Variants in TSPAN6 observed in about 807,000 individuals in gnomAD.
The protein encoded by TSPAN6 is tetraspanin-6.
Under a neutral mutation model 18.0 loss-of-function variants are expected in TSPAN6, and 13 were observed. That is an observed-to-expected ratio of 0.72 (90% CI 0.47 to 1.15). The LOEUF (loss-of-function observed/expected upper bound fraction) is 1.15, where lower values mean the gene tolerates loss of function less well. Among genes scored for constraint, TSPAN6 ranks in the 50% most tolerant of loss-of-function variants. The pLI is 0.00. For synonymous variants in TSPAN6, 82 were observed against 67.0 expected (o/e 1.22, Z -1.09); for missense variants, 186 against 183.9 (o/e 1.01, Z -0.07).
rs1481073881 is a variant in TSPAN6 at position 100,632,398 on chromosome X, T to A, written c.669+87A>T. 2.9e-5 allele frequency: 20 copies of A among 692,774 alleles called. No homozygotes were observed. In the South Asian group the frequency reaches 3.7e-4, roughly 13 times the overall value. The allele number at this position is 692,774 out of a possible 1,213,427, so 57.1% of individuals were successfully genotyped here. ...TTCCAGCCTGGCAACCGAGCAAGAC[T>A]CCATCTCAAAAAAAAAAAAGTGAAA... On this transcript the variant is annotated intron_variant, in intron 6 of 7. Coordinates refer to ENST00000373020, the MANE Select transcript of TSPAN6 (RefSeq NM_003270.4).
At chrX:100,635,415 G>A in intron 2 of TSPAN6, 143 bp downstream of exon 2, 1 of 665,176 alleles carries the variant, frequency 1.5e-6, no homozygotes, top group Non-Finnish European at 2.2e-6. Context: ...AGTGGAAACT[G>A]GCAGCTGAAC....
chrX:100,636,000 A>G (rs148390446), intron 1 of TSPAN6, among the ~76,000 whole-genome samples: 1 of 111,819 alleles, frequency 8.9e-6, no homozygotes, highest in Non-Finnish European at 1.9e-5. Context: ...CCTAGGGATC[A>G]AAACTTCCTT....
intron 1 of TSPAN6, 140 bp downstream of exon 1, chrX:100,636,468 C>T (rs2083096316): frequency 9.9e-7 from 1 of 1,014,717 alleles, no homozygotes; most frequent in Non-Finnish European, 1.3e-6. Flanking sequence ...AGTCACTGGT[C>T]GCCGGCGTCG....
intron 6 of TSPAN6, among the ~76,000 whole-genome samples, chrX:100,631,760 G>A (rs767894659): frequency 8.9e-6 from 1 of 112,235 alleles, no homozygotes; most frequent in Admixed American, 9.5e-5. Context: ...TGTTTCATGA[G>A]CTATGATACT....
intron 1 of TSPAN6, 66 bp from the exon 2 acceptor site, chrX:100,635,812 C>A: frequency 1.1e-6 from 1 of 888,744 alleles, no homozygotes; most frequent in Non-Finnish European, 1.5e-6. Flanking sequence ...CAAATCACAA[C>A]GCATGAGGTA....
upstream of TSPAN6, chrX:100,636,845 A>G (rs1602710562): frequency 3.5e-6 from 2 of 574,027 alleles, no homozygotes; most frequent in East Asian, 8.6e-5. Context: ...TGTAGAGGGT[A>G]AAGTATGGGA....
chrX:100,631,097 TCA>T, intron 6 of TSPAN6, among the ~76,000 whole-genome samples: 1 of 111,860 alleles, frequency 8.9e-6, no homozygotes, highest in Non-Finnish European at 1.9e-5. Flanking sequence ...TCCAGCAAAC[TCA>T]CTCAAGGAAA....
rs1167071111 is a variant in TSPAN6 at position 100,629,583 on chromosome X, G to C, written c.*443C>G. On this transcript the variant is annotated 3_prime_UTR_variant, in exon 8 of 8. Transcript: ENST00000373020. Reference sequence around the variant, plus strand: ...TCTATCACACTACATCAATAGCAAAGTCAGAGGAATCAATTTTCCATCTTG... The same window carrying C: ...TCTATCACACTACATCAATAGCAAACTCAGAGGAATCAATTTTCCATCTTG... 1 of 112,319 alleles carries C rather than the reference G, an allele frequency of 8.9e-6. No individual in the cohort carries two copies. Among genetic ancestry groups the C allele is most frequent in the African/African-American group, 3.2e-5 (1 of 30,873 alleles). The allele number at this position is 112,319 out of a possible 1,213,427, so 9.3% of individuals were successfully genotyped here.
At position 100,629,400 on chromosome X, in the gene TSPAN6, A is replaced by T. The variant is rs1248358473; in HGVS notation, c.*626T>A. 1 of 111,804 alleles carries T rather than the reference A, an allele frequency of 8.9e-6. No individual in the cohort carries two copies. Among genetic ancestry groups the T allele is most frequent in the Non-Finnish European group, 1.9e-5 (1 of 53,156 alleles). The allele number at this position is 111,804 out of a possible 1,213,427, so 9.2% of individuals were successfully genotyped here. The stretch of plus-strand genomic sequence containing the variant: ...CACCATCTGGCAACCCTGATGAGGG[A>T]TGCCATCTATTGACTGACTGAAATT... On this transcript the variant is annotated 3_prime_UTR_variant, in exon 8 of 8. Transcript: ENST00000373020.
intron 4 of TSPAN6, 151 bp downstream of exon 4, chrX:100,633,780 G>C (rs1289852524): frequency 6.1e-6 from 3 of 493,982 alleles, no homozygotes; most frequent in Non-Finnish European, 9.9e-6. Flanking sequence ...GATGTAAGTG[G>C]GGAAGGAAGA....
chrX:100,630,805 AT>A lies in TSPAN6; in HGVS notation c.730del (p.Ile244Ter), dbSNP rs752898185. 11 of 1,209,287 alleles carry A rather than the reference AT, an allele frequency of 9.1e-6. No homozygotes were observed. The highest frequency in any genetic ancestry group is 1.2e-5 in the Non-Finnish European group (11 of 894,577). The stretch of plus-strand genomic sequence containing the variant: ...GCCCACAGATACATTGGGTTACACT[AT>A]CTCATACTGGTTATTTGTTATGGCA... ...SRAITNNQYEIV is the reference protein window; with the variant it reads ...SRAITNNQYEXV On this transcript the variant is annotated frameshift_variant, in exon 7 of 8. Transcript: ENST00000373020. LOFTEE classifies it high-confidence loss of function.
chrX:100,636,807 G>T (rs1050468617), upstream of TSPAN6: 1 of 823,823 alleles, frequency 1.2e-6, no homozygotes, highest in South Asian at 3.5e-5. Context: ...GTCCACAACT[G>T]AGAAGGGCCG....
Position 100,628,295 on chromosome X carries a change from C to T in TSPAN6, c.*1731G>A, listed in dbSNP as rs909646224. The stretch of plus-strand genomic sequence containing the variant: ...ATTTTTCAACTTAATTTTCTTATCA[C>T]CTTATCCTATGTCAAAAGTCACACA... On this transcript the variant is annotated 3_prime_UTR_variant, in exon 8 of 8. Coordinates refer to ENST00000373020, the MANE Select transcript of TSPAN6 (RefSeq NM_003270.4). 3.6e-5 allele frequency: 4 copies of T among 111,868 alleles called. No individual in the cohort carries two copies. Among genetic ancestry groups the T allele is most frequent in the Non-Finnish European group, 7.5e-5 (4 of 53,211 alleles). The allele number at this position is 111,868 out of a possible 1,213,427, so 9.2% of individuals were successfully genotyped here.
Position 100,635,736 on chromosome X carries a change from A to T in TSPAN6, c.98T>A (p.Val33Asp). The T allele has an allele frequency of 1.7e-6, 2 of 1,170,947 alleles. No homozygotes were observed. The highest frequency in any genetic ancestry group is 2.3e-6 in the Non-Finnish European group (2 of 872,088). ...CCAAATGCCAACTGCAAGAAGGATA[A>T]CGCCAGTGATCTATGTGGGAATTCA... Reference protein sequence around the residue: ...IYTFIFWITGVILLAVGIWGK... With the variant: ...IYTFIFWITGDILLAVGIWGK... Residue 33 changes from valine to aspartate, a missense_variant, in exon 2 of 8, where the codon GTT becomes GAT. Transcript: ENST00000373020.
rs1479810826 is a variant in TSPAN6, at chrX:100,635,620, T to A, written c.214A>T (p.Ile72Phe). ...AAACAACCAAAGGTGCCCAAAAGAA[T>A]AATGACGGTACCAGTAGCAATGAGC... ...FVLIATGTVI[I>F]LLGTFGCFAT... Residue 72 changes from isoleucine to phenylalanine, a missense_variant, in exon 2 of 8, where the codon ATT becomes TTT. Transcript: ENST00000373020. The A allele has an allele frequency of 8.3e-7, 1 of 1,202,207 alleles. No individual in the cohort carries two copies. Among genetic ancestry groups the A allele is most frequent in the Non-Finnish European group, 1.1e-6 (1 of 890,191 alleles).
chrX:100,635,528 G>A, intron 2 of TSPAN6, 30 bp downstream of exon 2: 1 of 1,135,536 alleles, frequency 8.8e-7, no homozygotes, highest in Non-Finnish European at 1.2e-6. Flanking sequence ...CTAAAACCAA[G>A]AATCAATTCT....
intron 3 of TSPAN6, among the ~76,000 whole-genome samples, 189 bp downstream of exon 3, chrX:100,634,989 G>A (rs1159909068): frequency 1.8e-5 from 2 of 112,167 alleles, no homozygotes; most frequent in African/African-American, 3.2e-5. Context: ...TTTTCTTCTG[G>A]TGACTATCAG....
Position 100,636,745 on chromosome X carries a change from G to A in TSPAN6, c.-51C>T, listed in dbSNP as rs2083099866. The stretch of plus-strand genomic sequence containing the variant: ...GCACCGGGCGATTGGAACACAGAGA[G>A]CGAGACGCGGAGTCCCCGAGTCTCC... On this transcript the variant is annotated 5_prime_UTR_variant, in exon 1 of 8. Transcript: ENST00000373020. 8.8e-7 allele frequency: 1 copy of A among 1,142,108 alleles called. No individual in the cohort carries two copies. Among genetic ancestry groups the A allele is most frequent in the African/African-American group, 1.8e-5 (1 of 55,521 alleles). 94.1% of individuals were successfully genotyped at this position (1,142,108 alleles called of 1,213,427 possible). A position where few individuals can be genotyped will look rare whatever the true frequency, so the allele number is the denominator to read the frequency against.
rs2083047953 is a variant in TSPAN6, at chrX:100,629,918, A to G, written c.*108T>C. On this transcript the variant is annotated 3_prime_UTR_variant, in exon 8 of 8. Coordinates refer to ENST00000373020, the MANE Select transcript of TSPAN6 (RefSeq NM_003270.4). ...ACCTACTGGTGTAGTTTTTTGGTCT[A>G]TCAGTAAGTAGTGTTGTCAGTTCTC... The G allele has an allele frequency of 4.2e-6, 3 of 722,180 alleles. No homozygotes were observed. Among genetic ancestry groups the G allele is most frequent in the African/African-American group, 4.6e-5 (2 of 43,281 alleles). The allele number at this position is 722,180 out of a possible 1,213,427, so 59.5% of individuals were successfully genotyped here.
Sources: gnomAD v4.1 joint callset for allele counts (sites outside exome capture counted in the v4.1 genomes callset) on GRCh38, gnomAD v4.1.1 for gene constraint, MANE v1.5 for transcripts, NCBI Gene and HGNC (gene_info 2026-07-23, HGNC 2026-07-21) for gene names.